Variants in RBFOX3 observed in about 807,000 individuals in gnomAD.
RBFOX3 encodes the protein RNA binding fox-1 homolog 3, also known as RNA binding protein fox-1 homolog 3.
Under a neutral mutation model 48.7 loss-of-function variants are expected in RBFOX3, and 17 were observed. That is an observed-to-expected ratio of 0.35 (90% CI 0.24 to 0.52). The LOEUF is 0.52. RBFOX3 is among the 20% of genes least tolerant of loss of function. The probability of loss-of-function intolerance (pLI) is 0.94; values close to 1 mark genes in which losing one functional copy is unlikely to be tolerated. For missense variants in RBFOX3, 382 were observed against 497.5 expected, an observed-to-expected ratio of 0.77 and a Z score of 2.21; for synonymous variants, 212 against 209.5, an observed-to-expected ratio of 1.01 and a Z score of -0.10.
chr17:79,571,402 GCCTATGCCTGCGGGTGCCATATCCTCT>G (rs1242426331), intron 1 of RBFOX3, among the ~76,000 whole-genome samples: 5 of 152,232 alleles, frequency 3.3e-5, no homozygotes, highest in South Asian at 4.2e-4. Context: ...TCTCCCTTCT[GCCTATGCCTGCGGGTGCCATATCCTCT>G]CCACTGCCAG....
intron 2 of RBFOX3, among the ~76,000 whole-genome samples, chr17:79,420,767 T>G (rs1485556941): frequency 6.6e-6 from 1 of 152,234 alleles, no homozygotes; most frequent in African/African-American, 2.4e-5. Context: ...GCCTCTGCCC[T>G]CAGCTTCTAG....
At chr17:79,332,365 A>G (rs2080444355) in intron 2 of RBFOX3, among the ~76,000 whole-genome samples, 1 of 152,182 alleles carries the variant, frequency 6.6e-6, no homozygotes, top group East Asian at 1.9e-4. Context: ...GTGTTTTGTG[A>G]TAAATCAATA....
chr17:79,421,011 A>G lies in RBFOX3; in HGVS notation c.-175+61443T>C, dbSNP rs1281973853. 1.3e-5 allele frequency among the ~76,000 whole-genome samples: 2 copies of G among 151,794 alleles called. No homozygotes were observed. Among genetic ancestry groups the G allele is most frequent in the Non-Finnish European group, 2.9e-5 (2 of 67,878 alleles). The stretch of plus-strand genomic sequence containing the variant: ...GGCCCAGGGGCTTCCCTGCTGAGTG[A>G]GCCTCCCCTGGTGGGTTGAGGGGCT... On this transcript the variant is annotated intron_variant, in intron 2 of 14. Transcript: ENST00000693108. This position sits in a 1 kb window ranked among gnomAD's most constrained non-coding sequence, Gnocchi z 4.5.
intron 4 of RBFOX3, among the ~76,000 whole-genome samples, chr17:79,224,512 C>A (rs17674253): frequency 0.53 from 79,837 of 151,994 alleles, 22,250 homozygotes; most frequent in Non-Finnish European, 0.62. Flanking sequence ...CACTTGGCTG[C>A]GAAACATCCC....
At chr17:79,107,665 C>T (rs747583186) in intron 5 of RBFOX3, among the ~76,000 whole-genome samples, 34 of 152,200 alleles carry the variant, frequency 2.2e-4, no homozygotes, top group African/African-American at 8.2e-4. Flanking sequence ...CAGCATCGGC[C>T]GGGTGGATGC....
chr17:79,284,232 G>T (rs1206599384), intron 3 of RBFOX3, among the ~76,000 whole-genome samples: 1 of 152,242 alleles, frequency 6.6e-6, no homozygotes, highest in Non-Finnish European at 1.5e-5. Flanking sequence ...ATCGGCACGA[G>T]TGGACAGTCC....
At chr17:79,230,209 A>C (rs2060848186) in intron 4 of RBFOX3, among the ~76,000 whole-genome samples, 1 of 152,094 alleles carries the variant, frequency 6.6e-6, no homozygotes, top group Non-Finnish European at 1.5e-5. Context: ...CTCACCACCC[A>C]GTCTTTGAGA....
the RBFOX3 span, among the ~76,000 whole-genome samples, chr17:79,643,995 A>G: frequency 1.3e-5 from 2 of 152,284 alleles, no homozygotes; most frequent in East Asian, 1.9e-4. Context: ...GAAAAGATCA[A>G]TAAAAAAAGA....
Position 79,519,335 on chromosome 17 carries a change from G to A in RBFOX3, c.-319-36737C>T, listed in dbSNP as rs1055708030. Among the ~76,000 whole-genome samples, 984 of 152,330 alleles carry A rather than the reference G, an allele frequency of 6.5e-3. 7 individuals carry two copies. The highest frequency in any genetic ancestry group is 0.022 in the African/African-American group (922 of 41,570). ...GCAGAGCAAGAGACCTGCCAGTGAC[G>A]GCAAGCAAAGGTGTGTCCTGCAAGT... On this transcript the variant is annotated intron_variant, in intron 1 of 14. Coordinates refer to ENST00000693108, the MANE Select transcript of RBFOX3 (RefSeq NM_001350451.2).
At chr17:79,201,726 C>T (rs1396577507) in intron 4 of RBFOX3, among the ~76,000 whole-genome samples, 3 of 152,186 alleles carry the variant, frequency 2.0e-5, no homozygotes, top group South Asian at 4.1e-4. Flanking sequence ...CCCCCATGCC[C>T]GCCCAGTGCC....
At chr17:79,436,568 G>T (rs797026687) in intron 2 of RBFOX3, among the ~76,000 whole-genome samples, 1 of 152,180 alleles carries the variant, frequency 6.6e-6, no homozygotes, top group Non-Finnish European at 1.5e-5. Context: ...AAGAGCAATA[G>T]GCAGATAGAT....
chr17:79,644,918 T>C, the RBFOX3 span, among the ~76,000 whole-genome samples: 1 of 152,232 alleles, frequency 6.6e-6, no homozygotes, highest in Admixed American at 6.5e-5. Context: ...AAAATTTTTA[T>C]GGAAATGTGG....
chr17:79,664,706 C>A, the RBFOX3 span, among the ~76,000 whole-genome samples: 1 of 152,240 alleles, frequency 6.6e-6, no homozygotes, highest in Non-Finnish European at 1.5e-5. Context: ...TGTTGTATAG[C>A]CACCACCTGT....
chr17:79,628,556 G>A, the RBFOX3 span, among the ~76,000 whole-genome samples: 12 of 152,280 alleles, frequency 7.9e-5, no homozygotes, highest in East Asian at 9.7e-4. Context: ...TAATTGAGGC[G>A]AAATTTATAT....
intron 2 of RBFOX3, among the ~76,000 whole-genome samples, chr17:79,467,648 C>T (rs1169651265): frequency 2.6e-5 from 4 of 152,256 alleles, no homozygotes; most frequent in East Asian, 1.9e-4. Context: ...GCACCTGTTC[C>T]GTGGGGCTTA....
At chr17:79,157,972 C>A (rs938390679) in intron 4 of RBFOX3, among the ~76,000 whole-genome samples, 6 of 152,186 alleles carry the variant, frequency 3.9e-5, no homozygotes, top group Non-Finnish European at 8.8e-5. Context: ...AACTCCTACG[C>A]TGAAGTCCTA....
At chr17:79,665,087 T>C in the RBFOX3 span, among the ~76,000 whole-genome samples, 42 of 152,164 alleles carry the variant, frequency 2.8e-4, no homozygotes, top group African/African-American at 9.4e-4. Context: ...ATTCAGATAT[T>C]TGAGTCTTCA....
the RBFOX3 span, among the ~76,000 whole-genome samples, chr17:79,620,147 AC>A: frequency 7.8e-6 from 1 of 128,628 alleles, no homozygotes; most frequent in Non-Finnish European, 1.6e-5. Flanking sequence ...ACGCGCACAC[AC>A]ATGCACGCGC....
At position 79,206,400 on chromosome 17, in the gene RBFOX3, T is replaced by C. The variant is rs1048267243; in HGVS notation, c.-34+29366A>G. Among the ~76,000 whole-genome samples, 5 of 152,120 alleles carry C rather than the reference T, an allele frequency of 3.3e-5. No individual in the cohort carries two copies. The East Asian group carries it at 9.6e-4, about 29-fold the overall frequency. On this transcript the variant is annotated intron_variant, in intron 4 of 14. Transcript: ENST00000693108. The stretch of plus-strand genomic sequence containing the variant: ...CATCCCAGTGGTGCCCGACGTACAC[T>C]GTGGCGGATAAGGCTGTGTGAGGAG...
Sources: allele counts gnomAD v4.1 joint callset (sites outside exome capture counted in the v4.1 genomes callset), GRCh38; gene constraint gnomAD v4.1.1; non-coding constraint Gnocchi (gnomAD v3.1); transcripts MANE v1.5; gene names NCBI Gene and HGNC (gene_info 2026-07-23, HGNC 2026-07-21).